FREM3: variants seen among roughly 807,000 people sequenced by gnomAD.
FREM3 encodes FRAS1 related extracellular matrix 3, also known as FRAS1-related extracellular matrix protein 3.
FREM3 carries 105 observed loss-of-function variants against 129.1 expected under a neutral mutation model. The ratio of observed to expected loss-of-function variants is 0.81; its 90% CI spans 0.69 to 0.96. The LOEUF is 0.96. Among genes scored for constraint, FREM3 ranks in the 40% least tolerant of loss-of-function variants. FREM3 has a pLI of 0.00. For synonymous variants in FREM3, 1,014 were observed against 1,044.9 expected (o/e 0.97, Z 0.57); for missense variants, 2,593 against 2,666.3 (o/e 0.97, Z 0.61).
chr4:143,646,826 G>A (rs765661071), intron 2 of FREM3, among the ~76,000 whole-genome samples: 18 of 152,290 alleles, frequency 1.2e-4, no homozygotes, highest in South Asian at 2.1e-4. Context: ...ATGTGGAAGC[G>A]ACTTTGGAAC....
rs964935304 is a variant in FREM3 at position 143,586,062 on chromosome 4, G to C, written c.6029-69C>G. The C allele has an allele frequency of 2.1e-6, 3 of 1,436,456 alleles. No individual in the cohort carries two copies. In the African/African-American group the frequency reaches 4.2e-5, roughly 20 times the overall value. The allele number at this position is 1,436,456 out of a possible 1,614,324, so 89.0% of individuals were successfully genotyped here. On this transcript the variant is annotated intron_variant, in intron 6 of 7. Transcript: ENST00000329798. The stretch of plus-strand genomic sequence containing the variant: ...CTGGTATACTGTCTCCTTTGGCCCT[G>C]TGTGAGCCTGGGCATTTGTCATAAT...
intron 2 of FREM3, among the ~76,000 whole-genome samples, chr4:143,651,122 C>A (rs1439332646): frequency 6.6e-6 from 1 of 152,060 alleles, no homozygotes; most frequent in Non-Finnish European, 1.5e-5. Flanking sequence ...AATATATTTC[C>A]AGAGTGTTAA....
At position 143,700,085 on chromosome 4, in the gene FREM3, G is replaced by A; in HGVS notation, c.591C>T (p.Ser197=). The part of the protein sequence containing the change: ...AIDRRVLDFA[S]LKSGATATRR... The stretch of plus-strand genomic sequence containing the variant: ...GGGTGGCCGTGGCTCCAGACTTCAG[G>A]GAGGCGAAGTCCAGCACTCTCCTGT... The change falls in exon 1 of 8, where the codon TCC becomes TCT. Residue 197 remains serine (S), a synonymous_variant. Coordinates refer to ENST00000329798, the MANE Select transcript of FREM3 (RefSeq NM_001168235.2). 6.5e-7 allele frequency: 1 copy of A among 1,532,900 alleles called. No homozygotes were observed. Among genetic ancestry groups the A allele is most frequent in the Non-Finnish European group, 8.7e-7 (1 of 1,143,594 alleles). The allele number at this position is 1,532,900 out of a possible 1,614,324, so 95.0% of individuals were successfully genotyped here. A position where few individuals can be genotyped will look rare whatever the true frequency, so the allele number is the denominator to read the frequency against.
rs977260304 is a variant in FREM3, at chr4:143,631,057, C to G, written c.5276-3297G>C. Among the ~76,000 whole-genome samples the G allele has an allele frequency of 1.3e-4, 20 of 152,224 alleles. No individual in the cohort carries two copies. The South Asian group carries it at 4.1e-3, about 32-fold the overall frequency. On this transcript the variant is annotated intron_variant, in intron 2 of 7. Coordinates refer to ENST00000329798, the MANE Select transcript of FREM3 (RefSeq NM_001168235.2). ...GAGAGTTTTCATTAAAGTATTTTCT[C>G]TTTCCCTTCTCTATGAAGCAACACA...
intron 2 of FREM3, among the ~76,000 whole-genome samples, chr4:143,639,459 G>A (rs1233529018): frequency 6.6e-6 from 1 of 152,162 alleles, no homozygotes; most frequent in Non-Finnish European, 1.5e-5. Flanking sequence ...AGATGAGGGA[G>A]TGGAATTAGG....
intron 5 of FREM3, among the ~76,000 whole-genome samples, chr4:143,612,614 T>C (rs1351038112): frequency 6.6e-6 from 1 of 152,182 alleles, no homozygotes; most frequent in African/African-American, 2.4e-5. Context: ...ATAACCACAA[T>C]TACTTTTGCA....
Position 143,585,561 on chromosome 4 carries a change from C to A in FREM3, c.6178+283G>T, listed in dbSNP as rs182138867. ...TTTCATCTGAAATATTGTTTATGAGCAGCTTTAGGTATCTATAAATATTCT... is the reference window on the plus strand; with the variant it reads ...TTTCATCTGAAATATTGTTTATGAGAAGCTTTAGGTATCTATAAATATTCT... On this transcript the variant is annotated intron_variant, in intron 7 of 7. Transcript: ENST00000329798. This position sits in a 1 kb window ranked among gnomAD's most constrained non-coding sequence, Gnocchi z 4.2. Among the ~76,000 whole-genome samples the A allele has an allele frequency of 2.6e-5, 4 of 152,228 alleles. No individual in the cohort carries two copies. Among genetic ancestry groups the A allele is most frequent in the Admixed American group, 1.3e-4 (2 of 15,296 alleles).
Position 143,699,961 on chromosome 4 carries a change from C to T in FREM3, c.715G>A (p.Gly239Ser), listed in dbSNP as rs1740662833. The T allele has an allele frequency of 6.6e-7, 1 of 1,518,998 alleles. No homozygotes were observed. Among genetic ancestry groups the T allele is most frequent in the Admixed American group, 2.0e-5 (1 of 49,532 alleles). The allele number at this position is 1,518,998 out of a possible 1,614,324, so 94.1% of individuals were successfully genotyped here. A position where few individuals can be genotyped will look rare whatever the true frequency, so the allele number is the denominator to read the frequency against. The change falls in exon 1 of 8, where the codon GGC becomes AGC. Residue 239 changes from glycine to serine, a missense_variant. Physicochemically the swap from Gly to Ser is moderately conservative, Grantham distance 56 (BLOSUM62 0). Coordinates refer to ENST00000329798, the MANE Select transcript of FREM3 (RefSeq NM_001168235.2). The surrounding 1 kb of genome is among the most constrained non-coding windows in gnomAD (Gnocchi z 4.2). The stretch of plus-strand genomic sequence containing the variant: ...CGGAGGAAAGCCTCACAGTCTACGC[C>T]CTTGCCCCTGGGGAGAGGGGCCCCC... ...AVGAPLPRGKGVDCEAFLRAG... is the reference protein window; with the variant it reads ...AVGAPLPRGKSVDCEAFLRAG...
intron 6 of FREM3, among the ~76,000 whole-genome samples, chr4:143,589,850 A>G (rs1190304110): frequency 1.3e-5 from 2 of 152,146 alleles, no homozygotes; most frequent in South Asian, 2.1e-4. Context: ...CATTTTCACA[A>G]TATTGATTCT....
chr4:143,681,757 T>C (rs1740254772), intron 2 of FREM3, among the ~76,000 whole-genome samples: 1 of 152,208 alleles, frequency 6.6e-6, no homozygotes, highest in Admixed American at 6.5e-5. Flanking sequence ...CTTGTATTTA[T>C]TGGGAAATTG....
intron 2 of FREM3, among the ~76,000 whole-genome samples, chr4:143,631,218 G>T (rs1271063660): frequency 1.3e-5 from 2 of 152,128 alleles, no homozygotes; most frequent in African/African-American, 4.8e-5. Context: ...AATATTATTT[G>T]ATTCTGGGGC....
chr4:143,642,640 A>G (rs951898958), intron 2 of FREM3, among the ~76,000 whole-genome samples: 2 of 152,200 alleles, frequency 1.3e-5, no homozygotes, highest in Admixed American at 1.3e-4. Context: ...TCAACTCAAA[A>G]TGGATTAAAG....
chr4:143,649,276 T>C (rs1578850444), intron 2 of FREM3: 1 of 152,336 alleles, frequency 6.6e-6, no homozygotes, highest in East Asian at 1.9e-4. Context: ...CCATCAACTC[T>C]TCATCATCAC....
intron 2 of FREM3, among the ~76,000 whole-genome samples, chr4:143,643,310 T>G (rs1209002306): frequency 6.6e-6 from 1 of 152,158 alleles, no homozygotes; most frequent in Non-Finnish European, 1.5e-5. Context: ...AAGAGGTATC[T>G]GCACTCCAGT....
chr4:143,689,136 G>A (rs1045958142), intron 2 of FREM3, among the ~76,000 whole-genome samples: 13 of 152,134 alleles, frequency 8.5e-5, no homozygotes. Flanking sequence ...ATCTGACAAA[G>A]GACTAATATC....
At chr4:143,614,988 A>C (rs945415413) in intron 5 of FREM3, among the ~76,000 whole-genome samples, 2 of 152,176 alleles carry the variant, frequency 1.3e-5, no homozygotes, top group Non-Finnish European at 2.9e-5. Context: ...GAATTTGTGA[A>C]GTTACTTTAA....
chr4:143,642,883 T>A (rs1739345545), intron 2 of FREM3, among the ~76,000 whole-genome samples: 1 of 152,112 alleles, frequency 6.6e-6, no homozygotes, highest in South Asian at 2.1e-4. Context: ...AAGGAGTTAA[T>A]ATATGAATAT....
chr4:143,653,095 T>TA (rs1421567006), intron 2 of FREM3, among the ~76,000 whole-genome samples: 3 of 152,192 alleles, frequency 2.0e-5, no homozygotes, highest in Non-Finnish European at 4.4e-5. Flanking sequence ...GGCTCTGATA[T>TA]AATTATTAGA....
intron 7 of FREM3, among the ~76,000 whole-genome samples, chr4:143,579,084 A>G (rs1738090173): frequency 6.6e-6 from 1 of 151,302 alleles, no homozygotes; most frequent in Non-Finnish European, 1.5e-5. Flanking sequence ...AAAGCGTCTC[A>G]CTCTACTTGT....
Sources: allele counts gnomAD v4.1 joint callset (sites outside exome capture counted in the v4.1 genomes callset), GRCh38; gene constraint gnomAD v4.1.1; non-coding constraint Gnocchi (gnomAD v3.1); transcripts MANE v1.5; gene names NCBI Gene and HGNC (gene_info 2026-07-23, HGNC 2026-07-21).